Variants in C8orf74 observed in about 807,000 individuals in gnomAD.
The protein encoded by C8orf74 is uncharacterized protein C8orf74.
C8orf74 carries 29 observed loss-of-function variants against 22.2 expected under a neutral mutation model. That is an observed-to-expected ratio of 1.31 (90% CI 0.97 to 1.78). The LOEUF is 1.78. C8orf74 is among the 40% of genes most tolerant of loss of function. The pLI is 0.00. For synonymous variants in C8orf74, 255 were observed against 163.1 expected (o/e 1.56, Z -4.30); for missense variants, 515 against 369.9 (o/e 1.39, Z -3.22).
At chr8:10,674,606 C>T (rs376097708) in intron 1 of C8orf74, 40 bp from the exon 2 acceptor site, 6 of 1,542,284 alleles carry the variant, frequency 3.9e-6, no homozygotes, top group East Asian at 2.3e-5. Context: ...CCCTGCAACC[C>T]CCACATCATA....
intron 2 of C8orf74, among the ~76,000 whole-genome samples, chr8:10,678,427 C>T (rs1219436557): frequency 1.3e-5 from 2 of 152,072 alleles, no homozygotes; most frequent in Admixed American, 1.3e-4. Context: ...GGATGTGATC[C>T]AGAAACCTGG....
At chr8:10,681,926 C>T (rs1403568372) in intron 2 of C8orf74, among the ~76,000 whole-genome samples, 4 of 152,160 alleles carry the variant, frequency 2.6e-5, no homozygotes, top group African/African-American at 9.7e-5. Context: ...GCCCAGGTAG[C>T]CTAGGATGGG....
chr8:10,678,881 A>G (rs1799088880), intron 2 of C8orf74, among the ~76,000 whole-genome samples: 1 of 152,214 alleles, frequency 6.6e-6, no homozygotes. Context: ...AGGCTGGCCC[A>G]GGTGGCGTCC....
rs13281418 is a variant in C8orf74, at chr8:10,696,632, G to C, written c.242-967G>C. 1.0e-3 allele frequency among the ~76,000 whole-genome samples: 153 copies of C among 151,900 alleles called. 1 individual carries two copies. Among genetic ancestry groups the C allele is most frequent in the African/African-American group, 3.5e-3 (144 of 41,434 alleles). On this transcript the variant is annotated intron_variant, in intron 2 of 3. Coordinates refer to ENST00000304519, the MANE Select transcript of C8orf74 (RefSeq NM_001040032.2). ...TCAGCTAATATTTGTATTTCTAGTAGAGACGGGGTTTTGCCATGTTGGCCA... is the reference window on the plus strand; with the variant it reads ...TCAGCTAATATTTGTATTTCTAGTACAGACGGGGTTTTGCCATGTTGGCCA...
At chr8:10,694,833 TAAAC>T (rs1799455206) in intron 2 of C8orf74, among the ~76,000 whole-genome samples, 1 of 152,028 alleles carries the variant, frequency 6.6e-6, no homozygotes, top group South Asian at 2.1e-4. Context: ...GGTGAATGGA[TAAAC>T]AAACGGGTGG....
At chr8:10,681,691 CACGCGTGGCAGGCACGGCCTCTCTTGG>C (rs1227286565) in intron 2 of C8orf74, among the ~76,000 whole-genome samples, 5 of 152,360 alleles carry the variant, frequency 3.3e-5, no homozygotes, top group Admixed American at 6.5e-5. Context: ...TCATCATCAT[CACGCGTGGCAGGCACGGCCTCTCTTGG>C]ACGCTCTTTC....
intron 2 of C8orf74, among the ~76,000 whole-genome samples, chr8:10,676,516 T>C (rs1799035754): frequency 6.6e-6 from 1 of 152,198 alleles, no homozygotes; most frequent in South Asian, 2.1e-4. Flanking sequence ...GCACCTCTGT[T>C]TGAAGGCATC....
At chr8:10,698,878 A>G (rs978114875) in intron 3 of C8orf74, among the ~76,000 whole-genome samples, 20 of 149,216 alleles carry the variant, frequency 1.3e-4, no homozygotes, top group African/African-American at 4.7e-4. Context: ...CCTGGGAAGT[A>G]TTCCTTTAGG....
intron 3 of C8orf74, among the ~76,000 whole-genome samples, chr8:10,698,512 A>G (rs1799580636): frequency 6.6e-6 from 1 of 152,052 alleles, no homozygotes; most frequent in Non-Finnish European, 1.5e-5. Context: ...AGGACTTAGG[A>G]GGATCCGGTG....
intron 2 of C8orf74, among the ~76,000 whole-genome samples, chr8:10,685,111 C>T (rs906875730): frequency 2.0e-5 from 3 of 152,192 alleles, no homozygotes; most frequent in African/African-American, 7.2e-5. Context: ...TTTACTTAAT[C>T]TTTTTGGACT....
At chr8:10,682,971 A>C (rs781237260) in intron 2 of C8orf74, among the ~76,000 whole-genome samples, 3 of 152,252 alleles carry the variant, frequency 2.0e-5, no homozygotes, top group Non-Finnish European at 4.4e-5. Flanking sequence ...AACTTGCCCA[A>C]GGCCGCACCT....
intron 2 of C8orf74, among the ~76,000 whole-genome samples, chr8:10,680,466 T>C (rs1463173253): frequency 6.6e-6 from 1 of 152,170 alleles, no homozygotes; most frequent in Non-Finnish European, 1.5e-5. Context: ...CATATCCACA[T>C]CCACCTATGT....
rs1267914932 is a variant in C8orf74 at position 10,697,977 on chromosome 8, C to T, written c.620C>T (p.Ala207Val). 2 of 1,511,540 alleles carry T rather than the reference C, an allele frequency of 1.3e-6. No individual in the cohort carries two copies. The highest frequency in any genetic ancestry group is 1.3e-5 in the South Asian group (1 of 78,188). The allele number at this position is 1,511,540 out of a possible 1,614,324, so 93.6% of individuals were successfully genotyped here. A position where few individuals can be genotyped will look rare whatever the true frequency, so the allele number is the denominator to read the frequency against. The change falls in exon 3 of 4, where the codon GCG becomes GTG. Residue 207 changes from alanine to valine, a missense_variant. Ala to Val is a moderately conservative substitution (Grantham distance 64). Transcript: ENST00000304519. ...LQKAFAAAAP[A>V]QPGQVLERQE... ...AAGGCGTTCGCTGCCGCCGCGCCTG[C>T]GCAGCCCGGCCAGGTCCTGGAGAGA...
At chr8:10,698,799 G>T (rs1225371180) in intron 3 of C8orf74, among the ~76,000 whole-genome samples, 1 of 151,968 alleles carries the variant, frequency 6.6e-6, no homozygotes, top group African/African-American at 2.4e-5. Context: ...CATTGGAGTG[G>T]GGGAGTTGCA....
chr8:10,678,673 G>C (rs1799084488), intron 2 of C8orf74, among the ~76,000 whole-genome samples: 1 of 151,918 alleles, frequency 6.6e-6, no homozygotes. Context: ...GACTGTCCCA[G>C]TTCTGCCCAG....
At chr8:10,691,922 G>A (rs1799389856) in intron 2 of C8orf74, 1 of 152,404 alleles carries the variant, frequency 6.6e-6, no homozygotes, top group Non-Finnish European at 1.5e-5. Context: ...CTGGACAGCT[G>A]GGTGTGGCCC....
chr8:10,677,435 A>G (rs1799056053), intron 2 of C8orf74, among the ~76,000 whole-genome samples: 1 of 152,244 alleles, frequency 6.6e-6, no homozygotes, highest in South Asian at 2.1e-4. Context: ...TCTGCTACAT[A>G]CATTTATCTA....
At chr8:10,684,673 T>C (rs1799223495) in intron 2 of C8orf74, among the ~76,000 whole-genome samples, 1 of 152,248 alleles carries the variant, frequency 6.6e-6, no homozygotes, top group Non-Finnish European at 1.5e-5. Flanking sequence ...CTCACAAATT[T>C]ATTTTTCTCT....
chr8:10,686,938 T>C (rs564829926), intron 2 of C8orf74: 1 of 358,544 alleles, frequency 2.8e-6, no homozygotes, highest in Non-Finnish European at 5.5e-6. Flanking sequence ...CCTCCACTAC[T>C]CTTTGGGTGG....
Sources: allele counts gnomAD v4.1 joint callset (sites outside exome capture counted in the v4.1 genomes callset), GRCh38; gene constraint gnomAD v4.1.1; transcripts MANE v1.5; gene names NCBI Gene and HGNC (gene_info 2026-07-23, HGNC 2026-07-21).